The following COMMD1 variants were observed in gnomAD, a reference collection of about 807,000 sequenced individuals.
The protein encoded by COMMD1 is COMM domain-containing protein 1.
In COMMD1, 10 loss-of-function variants were observed where a neutral mutation model predicts 17.2. The ratio of observed to expected loss-of-function variants is 0.58; its 90% CI spans 0.36 to 0.99. COMMD1 has a LOEUF of 0.99. Ranked by LOEUF, COMMD1 falls within the 50% of genes least tolerant of loss-of-function variation. The pLI is 0.01. For missense variants in COMMD1, 270 were observed against 231.8 expected, an observed-to-expected ratio of 1.17 and a Z score of -1.07; for synonymous variants, 97 against 91.6, an observed-to-expected ratio of 1.06 and a Z score of -0.34.
intron 1 of COMMD1, among the ~76,000 whole-genome samples, chr2:61,909,077 C>T (rs1168831071): frequency 6.6e-6 from 1 of 152,048 alleles, no homozygotes; most frequent in Admixed American, 6.6e-5. Context: ...TACAAGCATG[C>T]ACCACCACAC....
chr2:62,059,250 GGCT>G (rs1263202902), intron 2 of COMMD1, among the ~76,000 whole-genome samples: 1 of 150,288 alleles, frequency 6.7e-6, no homozygotes, highest in Non-Finnish European at 1.5e-5. Context: ...CTACCTCCTG[GGCT>G]AAGTGATCCT....
intron 2 of COMMD1, among the ~76,000 whole-genome samples, chr2:62,071,496 C>T (rs1671199172): frequency 6.6e-6 from 1 of 152,106 alleles, no homozygotes; most frequent in African/African-American, 2.4e-5. Context: ...GGAATGCAGC[C>T]TGGTAGGTCT....
At chr2:62,077,544 T>C (rs367679666) in intron 2 of COMMD1, among the ~76,000 whole-genome samples, 2 of 152,212 alleles carry the variant, frequency 1.3e-5, no homozygotes, top group African/African-American at 4.8e-5. Flanking sequence ...CCTATTATCA[T>C]ACTTTACTTC....
chr2:61,935,668 C>T (rs888542756), intron 1 of COMMD1, among the ~76,000 whole-genome samples: 1 of 152,032 alleles, frequency 6.6e-6, no homozygotes, highest in African/African-American at 2.4e-5. Context: ...TACAGTCATC[C>T]TCTGTTTTCA....
intron 2 of COMMD1, among the ~76,000 whole-genome samples, chr2:62,072,533 T>G (rs898234613): frequency 6.6e-6 from 1 of 152,174 alleles, no homozygotes; most frequent in Non-Finnish European, 1.5e-5. Flanking sequence ...CATAACCTGA[T>G]TCTTCTTGGA....
At chr2:61,903,319 C>T (rs1669698672), upstream of COMMD1, among the ~76,000 whole-genome samples, 1 of 151,748 alleles carries the variant, frequency 6.6e-6, no homozygotes, top group Admixed American at 6.6e-5. Flanking sequence ...TGGCGCATGC[C>T]TATAATCCCA....
intron 2 of COMMD1, among the ~76,000 whole-genome samples, chr2:62,002,479 G>A (rs1459436285): frequency 9.4e-6 from 1 of 106,024 alleles, no homozygotes; most frequent in Non-Finnish European, 1.7e-5. Context: ...TGACAAGAGC[G>A]AGATTCCACC....
intron 2 of COMMD1, among the ~76,000 whole-genome samples, chr2:62,064,153 T>A (rs909363278): frequency 4.6e-5 from 7 of 151,748 alleles, no homozygotes; most frequent in Non-Finnish European, 7.4e-5. Context: ...TCACACATAG[T>A]AGATTTTTTA....
chr2:61,939,365 C>G, intron 1 of COMMD1, among the ~76,000 whole-genome samples: 1 of 151,012 alleles, frequency 6.6e-6, no homozygotes, highest in African/African-American at 2.4e-5. Flanking sequence ...ACTCGGGAGG[C>G]TGAGGCAAGA....
chr2:62,109,084 AG>A (rs1672388189), intron 2 of COMMD1, among the ~76,000 whole-genome samples: 1 of 152,204 alleles, frequency 6.6e-6, no homozygotes, highest in African/African-American at 2.4e-5. Context: ...GATACCCAAA[AG>A]GGCAGTATTC....
chr2:61,946,799 A>G (rs185422815), intron 1 of COMMD1, among the ~76,000 whole-genome samples: 1 of 151,962 alleles, frequency 6.6e-6, no homozygotes, highest in Non-Finnish European at 1.5e-5. Flanking sequence ...AACTTCATAT[A>G]TTCCTTCAGG....
At chr2:61,895,682 AC>A (rs1669536298) in intron 1 of COMMD1, among the ~76,000 whole-genome samples, 1 of 152,066 alleles carries the variant, frequency 6.6e-6, no homozygotes, top group Non-Finnish European at 1.5e-5. Flanking sequence ...TTGCCTGTGG[AC>A]CCTGAAGCAG....
At chr2:61,894,668 T>C (rs1044922953) in intron 1 of COMMD1, among the ~76,000 whole-genome samples, 8 of 150,726 alleles carry the variant, frequency 5.3e-5, no homozygotes, top group Non-Finnish European at 1.0e-4. Flanking sequence ...AGAATGATGA[T>C]ATATATATAT....
rs553129484 is a variant in COMMD1, at chr2:62,023,773, C to T, written c.462+22791C>T. ...GTGCTGGGATTACAGGCATGAGCCA[C>T]GGCGCTTGGCCTATTGTGGAATTTA... On this transcript the variant is annotated intron_variant, in intron 2 of 2. Coordinates refer to ENST00000311832, the MANE Select transcript of COMMD1 (RefSeq NM_152516.4). Among the ~76,000 whole-genome samples, 364 of 152,204 alleles carry T rather than the reference C, an allele frequency of 2.4e-3. 1 individual carries two copies. The highest frequency in any genetic ancestry group is 8.5e-3 in the African/African-American group (355 of 41,534).
intron 1 of COMMD1, among the ~76,000 whole-genome samples, chr2:61,933,014 G>A (rs769545627): frequency 2.1e-4 from 32 of 152,120 alleles, no homozygotes; most frequent in Non-Finnish European, 3.4e-4. Context: ...AGATTGAAGG[G>A]TAGTATATGT....
At chr2:61,936,302 G>C (rs999220207) in intron 1 of COMMD1, among the ~76,000 whole-genome samples, 2 of 152,016 alleles carry the variant, frequency 1.3e-5, no homozygotes, top group Non-Finnish European at 2.9e-5. Flanking sequence ...TTCTTTCTAT[G>C]GGTCTCTGAG....
At chr2:62,014,710 C>T (rs892750978) in intron 2 of COMMD1, among the ~76,000 whole-genome samples, 3 of 151,322 alleles carry the variant, frequency 2.0e-5, no homozygotes, top group South Asian at 2.1e-4. Flanking sequence ...TACAGGTGTG[C>T]ACCACCACGC....
intron 2 of COMMD1, among the ~76,000 whole-genome samples, chr2:62,117,484 C>T (rs1332584787): frequency 6.6e-6 from 1 of 152,200 alleles, no homozygotes; most frequent in Non-Finnish European, 1.5e-5. Flanking sequence ...GTTAAGTGCT[C>T]AGGTCCTGAA....
intron 2 of COMMD1, among the ~76,000 whole-genome samples, chr2:62,098,677 T>C (rs1204646282): frequency 6.6e-6 from 1 of 152,252 alleles, no homozygotes; most frequent in Non-Finnish European, 1.5e-5. Flanking sequence ...TATTTTACAT[T>C]GTTTCACCTT....
Sources: allele counts gnomAD v4.1 joint callset (sites outside exome capture counted in the v4.1 genomes callset), GRCh38; gene constraint gnomAD v4.1.1; transcripts MANE v1.5; gene names NCBI Gene and HGNC (gene_info 2026-07-23, HGNC 2026-07-21).